Variants in TGM4 observed in about 807,000 individuals in gnomAD.
TGM4 encodes protein-glutamine gamma-glutamyltransferase 4.
TGM4 carries 61 observed loss-of-function variants against 76.3 expected under a neutral mutation model. The observed-to-expected ratio is 0.80, with a 90% CI of 0.65 to 0.99. The LOEUF (loss-of-function observed/expected upper bound fraction) is 0.99, where lower values mean the gene tolerates loss of function less well. Among genes scored for constraint, TGM4 ranks in the 50% least tolerant of loss-of-function variants. The probability of loss-of-function intolerance (pLI) is 0.00; values close to 1 mark genes in which losing one functional copy is unlikely to be tolerated. For synonymous variants in TGM4, 337 were observed against 329.8 expected (o/e 1.02, Z -0.24); for missense variants, 794 against 843.2 (o/e 0.94, Z 0.72).
intron 7 of TGM4, 30 bp downstream of exon 7, chr3:44,901,728 G>A (rs747843870): frequency 7.5e-5 from 121 of 1,612,474 alleles, no homozygotes; most frequent in Middle Eastern, 3.3e-4. Flanking sequence ...GCTGAGGGGA[G>A]AGGTCCCAAG....
At chr3:44,882,204 C>T (rs1383181655) in intron 1 of TGM4, among the ~76,000 whole-genome samples, 1 of 152,046 alleles carries the variant, frequency 6.6e-6, no homozygotes, top group African/African-American at 2.4e-5. Flanking sequence ...TCCCGAGTAA[C>T]CGGGATTACA....
intron 4 of TGM4, among the ~76,000 whole-genome samples, chr3:44,891,791 G>T (rs989532067): frequency 6.6e-6 from 1 of 151,566 alleles, no homozygotes; most frequent in Non-Finnish European, 1.5e-5. Flanking sequence ...TGGCTAACAC[G>T]GTGAAACCCC....
chr3:44,874,727 A>G, intron 1 of TGM4, 30 bp downstream of exon 1: 1 of 1,614,014 alleles, frequency 6.2e-7, no homozygotes, highest in East Asian at 2.2e-5. Context: ...ATGGAGCCCC[A>G]CATGCCCCTT....
At chr3:44,908,876 C>G (rs1364398765) in intron 10 of TGM4, among the ~76,000 whole-genome samples, 2 of 152,098 alleles carry the variant, frequency 1.3e-5, no homozygotes, top group Non-Finnish European at 2.9e-5. Flanking sequence ...CATGTATGGC[C>G]TATAGTTTGT....
rs767588779 is a variant in TGM4 at position 44,910,091 on chromosome 3, C to G, written c.1329C>G (p.Gly443=). 2.5e-6 allele frequency: 4 copies of G among 1,611,862 alleles called. 1 individual carries two copies. The highest frequency in any genetic ancestry group is 3.4e-4 in the Middle Eastern group (2 of 5,892). Residue 443 remains glycine, a splice_region_variant and synonymous_variant, in exon 11 of 14, where the codon GGC becomes GGG. Transcript: ENST00000296125. ...DITYEYKYPE[G]SSEERQVMDH... ...AAGCTGCCTTTGTGTCTCTTTCAGG[C>G]TCCTCTGAGGAGAGGCAGGTCATGG...
intron 4 of TGM4, 103 bp downstream of exon 4, chr3:44,890,835 T>G: frequency 7.0e-7 from 1 of 1,428,356 alleles, no homozygotes; most frequent in South Asian, 1.3e-5. Context: ...TCAAGGTACT[T>G]GCAAACTAGT....
intron 1 of TGM4, among the ~76,000 whole-genome samples, chr3:44,878,449 TTTA>T (rs199498412): frequency 0.34 from 25,847 of 75,094 alleles, 2,620 homozygotes; most frequent in South Asian, 0.41. Context: ...TTACTTTTGT[TTTA>T]TTATTATTAT....
At chr3:44,877,305 G>A (rs1250847971) in intron 1 of TGM4, among the ~76,000 whole-genome samples, 2 of 152,072 alleles carry the variant, frequency 1.3e-5, no homozygotes, top group South Asian at 2.1e-4. Context: ...AAAATTAGCC[G>A]GGTGTGGTGG....
At position 44,885,414 on chromosome 3, in the gene TGM4, C is replaced by A. The variant is rs148245944; in HGVS notation, c.109C>A (p.Arg37=). ...WEFQTSSPVF[R]RGQVFHLRLV... is the part of the protein sequence containing the mutation. ...GTTCCAAACGAGCAGTCCTGTGTTC[C>A]GGCGAGGACAGGTGTTTCACCTGCG... Residue 37 remains arginine, a synonymous_variant, in exon 2 of 14, where the codon CGG becomes AGG. Transcript: ENST00000296125. 2.1e-4 allele frequency: 344 copies of A among 1,613,876 alleles called. 2 individuals are homozygous for A. The African/African-American group carries it at 3.9e-3, about 19-fold the overall frequency.
intron 1 of TGM4, among the ~76,000 whole-genome samples, chr3:44,878,445 TTG>T (rs1191800857): frequency 9.9e-5 from 3 of 30,232 alleles, no homozygotes; most frequent in East Asian, 0.045. Flanking sequence ...TTTATTACTT[TTG>T]TTTTATTATT....
In TGM4 at chr3:44,880,155, ACTTGTGTGGTTT is replaced by A. The variant is rs376803263; in HGVS notation, c.20-5167_20-5156del. On this transcript the variant is annotated intron_variant, in intron 1 of 13. Transcript: ENST00000296125. ...ATATTATCTGATTTCTTGGACGAAT[ACTTGTGTGGTTT>A]CTGCTGAAATAGTGTATTTTGTGTT... is the stretch of plus-strand genomic sequence containing the variant. Among the ~76,000 whole-genome samples, 308 of 152,258 alleles carry A rather than the reference ACTTGTGTGGTTT, an allele frequency of 2.0e-3. 1 individual carries two copies. Among genetic ancestry groups the A allele is most frequent in the African/African-American group, 5.9e-3 (246 of 41,550 alleles).
chr3:44,885,431 TCA>T lies in TGM4; in HGVS notation c.128_129del (p.His43ProfsTer26), dbSNP rs751626855. On this transcript the variant is annotated frameshift_variant, in exon 2 of 14. Transcript: ENST00000296125. LOFTEE classifies it high-confidence loss of function. ...CTGTGTTCCGGCGAGGACAGGTGTT[TCA>T]CCTGCGGCTGGTGCTGAACCAGCCC... ...SPVFRRGQVFHLRLVLNQPLQ... is the reference protein window; with the variant it reads ...SPVFRRGQVFXLRLVLNQPLQ... The T allele has an allele frequency of 6.2e-7, 1 of 1,613,644 alleles. No individual in the cohort carries two copies. Among genetic ancestry groups the T allele is most frequent in the South Asian group, 1.1e-5 (1 of 91,052 alleles).
At chr3:44,896,863 G>T in intron 6 of TGM4, 47 bp downstream of exon 6, 1 of 1,535,474 alleles carries the variant, frequency 6.5e-7, no homozygotes, top group African/African-American at 1.4e-5. Context: ...CTTGCCAATT[G>T]CTCAGCCTTT....
chr3:44,894,936 A>G (rs1431781503), intron 5 of TGM4, among the ~76,000 whole-genome samples: 2 of 152,094 alleles, frequency 1.3e-5, no homozygotes, highest in Non-Finnish European at 2.9e-5. Flanking sequence ...GAGACAGCCA[A>G]ACGAACCGCA....
At chr3:44,877,551 C>T (rs1214703334) in intron 1 of TGM4, among the ~76,000 whole-genome samples, 1 of 151,622 alleles carries the variant, frequency 6.6e-6, no homozygotes, top group Non-Finnish European at 1.5e-5. Flanking sequence ...ATGATTGCAA[C>T]ACTGCACTTC....
chr3:44,884,080 C>T (rs948929014), intron 1 of TGM4, among the ~76,000 whole-genome samples: 1 of 152,176 alleles, frequency 6.6e-6, no homozygotes, highest in Non-Finnish European at 1.5e-5. Flanking sequence ...TCAGCCACAC[C>T]CCAGATGTGC....
intron 1 of TGM4, among the ~76,000 whole-genome samples, chr3:44,879,914 C>T (rs898677993): frequency 2.0e-5 from 3 of 152,164 alleles, no homozygotes; most frequent in African/African-American, 7.2e-5. Flanking sequence ...ACTCTTGCCT[C>T]AGCCTCCCAA....
chr3:44,913,730 G>A lies in TGM4; in HGVS notation c.*5G>A, dbSNP rs369903954. ...ATTGTTCTCATCACCAAGTAGCCTT[G>A]TCTGATGCTGTGGAGCCTTAGTTGA... is the stretch of plus-strand genomic sequence containing the variant. On this transcript the variant is annotated 3_prime_UTR_variant, in exon 14 of 14. Coordinates refer to ENST00000296125, the MANE Select transcript of TGM4 (RefSeq NM_003241.4). 7 of 1,611,428 alleles carry A rather than the reference G, an allele frequency of 4.3e-6. No homozygotes were observed. In the African/African-American group the frequency reaches 8.0e-5, roughly 18 times the overall value.
chr3:44,911,463 G>C, intron 13 of TGM4, 57 bp downstream of exon 13: 1 of 1,585,006 alleles, frequency 6.3e-7, no homozygotes, highest in Non-Finnish European at 8.6e-7. Flanking sequence ...TCTTGCACAT[G>C]TGTGCATATT....
Sources: gnomAD v4.1 joint callset for allele counts (sites outside exome capture counted in the v4.1 genomes callset) on GRCh38, gnomAD v4.1.1 for gene constraint, MANE v1.5 for transcripts, NCBI Gene and HGNC (gene_info 2026-07-23, HGNC 2026-07-21) for gene names.